Variants in PKP2 observed in about 807,000 individuals in gnomAD.
PKP2 encodes plakophilin-2.
Under a neutral mutation model 83.4 loss-of-function variants are expected in PKP2, and 73 were observed. That is an observed-to-expected ratio of 0.88 (90% CI 0.72 to 1.06). The LOEUF (loss-of-function observed/expected upper bound fraction) is 1.06. Among genes scored for constraint, PKP2 ranks in the 50% least tolerant of loss-of-function variants. PKP2 has a pLI of 0.00. For synonymous variants in PKP2, 409 were observed against 430.4 expected, an observed-to-expected ratio of 0.95 and a Z score of 0.62; for missense variants, 966 against 1,065.4, an observed-to-expected ratio of 0.91 and a Z score of 1.30.
At chr12:32,844,908 G>A (rs180800676) in intron 5 of PKP2, among the ~76,000 whole-genome samples, 1 of 152,174 alleles carries the variant, frequency 6.6e-6, no homozygotes, top group Admixed American at 6.5e-5. Context: ...AGATGATTCT[G>A]AATAGATGTC....
chr12:32,836,847 C>T (rs974616524), intron 6 of PKP2, among the ~76,000 whole-genome samples: 21 of 152,116 alleles, frequency 1.4e-4, no homozygotes, highest in African/African-American at 4.8e-4. Flanking sequence ...CAGCAGATAC[C>T]TCTATGTCCT....
At chr12:32,795,091 TAA>T (rs1491441032) in intron 11 of PKP2, among the ~76,000 whole-genome samples, 1 of 152,210 alleles carries the variant, frequency 6.6e-6, no homozygotes, top group Non-Finnish European at 1.5e-5. Context: ...CAGAATTGTA[TAA>T]AGAGAAAAAG....
At chr12:32,844,941 T>C (rs1281393629) in intron 5 of PKP2, among the ~76,000 whole-genome samples, 6 of 152,214 alleles carry the variant, frequency 3.9e-5, no homozygotes, top group Admixed American at 3.9e-4. Context: ...AGATTCTGGA[T>C]TACCTAATAT....
At position 32,851,803 on chromosome 12, in the gene PKP2, T is replaced by TC. The variant is rs1337466313; in HGVS notation, c.1171-831_1171-830insG. Among the ~76,000 whole-genome samples the TC allele has an allele frequency of 1.3e-4, 20 of 152,296 alleles. 1 individual carries two copies. The East Asian group carries it at 3.9e-3, about 29-fold the overall frequency. ...AATTCTTATAACCAATTGCATGGAG[T>TC]ATTTTAAAAGACTTATAAAACTTAT... is the stretch of plus-strand genomic sequence containing the variant. On this transcript the variant is annotated intron_variant, in intron 4 of 12. Coordinates refer to ENST00000340811, the MANE Select transcript of PKP2 (RefSeq NM_001005242.3).
chr12:32,817,847 G>C (rs1956334115), intron 9 of PKP2, among the ~76,000 whole-genome samples: 1 of 152,254 alleles, frequency 6.6e-6, no homozygotes, highest in East Asian at 1.9e-4. Context: ...TTAGGAACCC[G>C]CCGCACAGCA....
At chr12:32,821,763 C>T (rs1956381404) in intron 8 of PKP2, 2 of 495,790 alleles carry the variant, frequency 4.0e-6, no homozygotes, top group South Asian at 4.3e-5. Context: ...ATATTTCTCC[C>T]AGTGAGAGAA....
rs749107090 is a variant in PKP2 at position 32,878,931 on chromosome 12, C to T, written c.325G>A (p.Asp109Asn). The change falls in exon 2 of 13, where the codon GAC becomes AAC. Residue 109 changes from aspartate (D) to asparagine (N), a missense_variant. Physicochemically the swap from Asp to Asn is conservative, Grantham distance 23. Coordinates refer to ENST00000340811, the MANE Select transcript of PKP2 (RefSeq NM_001005242.3). The stretch of plus-strand genomic sequence containing the variant: ...CTTTGATATCCTACCTTTAGCATGT[C>T]ATAGGTTTTAGGAACAGGGGAACGG... The part of the protein sequence containing the change: ...GGRSPVPKTY[D>N]MLKAGTTATY... The T allele has an allele frequency of 3.2e-6, 5 of 1,558,170 alleles. No homozygotes were observed. Among genetic ancestry groups the T allele is most frequent in the Non-Finnish European group, 4.4e-6 (5 of 1,130,912 alleles).
intron 10 of PKP2, among the ~76,000 whole-genome samples, chr12:32,798,895 C>T (rs1956154533): frequency 6.6e-6 from 1 of 152,088 alleles, no homozygotes; most frequent in Admixed American, 6.5e-5. Flanking sequence ...GCAAATGCAA[C>T]AAAACCAAAA....
intron 6 of PKP2, among the ~76,000 whole-genome samples, chr12:32,835,349 G>A (rs955483306): frequency 1.3e-5 from 2 of 152,016 alleles, no homozygotes; most frequent in East Asian, 1.9e-4. Context: ...CACCGTGCCC[G>A]GCCTACTTTT....
chr12:32,814,427 C>T (rs188080962), intron 9 of PKP2, among the ~76,000 whole-genome samples: 2 of 152,246 alleles, frequency 1.3e-5, no homozygotes, highest in African/African-American at 4.8e-5. Context: ...CCTCTGAAAA[C>T]ATAAACTCAG....
Position 32,792,186 on chromosome 12 carries a change from T to C in PKP2, c.*238A>G, listed in dbSNP as rs1956073978. 1.8e-6 allele frequency: 1 copy of C among 560,564 alleles called. No individual in the cohort carries two copies. Among genetic ancestry groups the C allele is most frequent in the Admixed American group, 3.0e-5 (1 of 32,998 alleles). 34.7% of individuals were successfully genotyped at this position (560,564 alleles called of 1,614,324 possible). A position where few individuals can be genotyped will look rare whatever the true frequency, so the allele number is the denominator to read the frequency against. The stretch of plus-strand genomic sequence containing the variant: ...CCAGGAAGCCATGTACCATAAGCCC[T>C]AATAACAAAGACCACTATTTGTCGA... On this transcript the variant is annotated 3_prime_UTR_variant, in exon 13 of 13. Transcript: ENST00000340811.
intron 12 of PKP2, 35 bp from the exon 13 acceptor site, chr12:32,792,527 C>G: frequency 6.3e-7 from 1 of 1,591,868 alleles, no homozygotes; most frequent in Non-Finnish European, 8.6e-7. Flanking sequence ...TGAAAGGTAA[C>G]AAAACTGGCA....
At chr12:32,835,196 G>A (rs914721675) in intron 6 of PKP2, among the ~76,000 whole-genome samples, 3 of 151,686 alleles carry the variant, frequency 2.0e-5, no homozygotes, top group Non-Finnish European at 2.9e-5. Flanking sequence ...CGGGATTACA[G>A]GTGCCCGCCA....
chr12:32,822,341 G>A (rs1170343317), intron 8 of PKP2, 126 bp downstream of exon 8: 2 of 805,024 alleles, frequency 2.5e-6, no homozygotes, highest in Non-Finnish European at 4.2e-6. Flanking sequence ...AAAGGTTGAT[G>A]TAAGAATTAA....
intron 6 of PKP2, among the ~76,000 whole-genome samples, chr12:32,827,817 T>C (rs146051623): frequency 6.6e-6 from 1 of 152,352 alleles, no homozygotes; most frequent in East Asian, 1.9e-4. Flanking sequence ...AAACGTGTAA[T>C]TTAGTGCCTG....
At chr12:32,824,191 T>G (rs1432031893) in intron 6 of PKP2, 29 bp from the exon 7 acceptor site, 2 of 1,439,242 alleles carry the variant, frequency 1.4e-6, no homozygotes, top group Non-Finnish European at 1.9e-6. Context: ...AACAAAAAAG[T>G]AAGTCTAGGC....
At chr12:32,837,193 C>T (rs1262288992) in intron 6 of PKP2, among the ~76,000 whole-genome samples, 1 of 152,182 alleles carries the variant, frequency 6.6e-6, no homozygotes, top group Non-Finnish European at 1.5e-5. Flanking sequence ...CTATGAAGGG[C>T]AGGGGCTTTA....
At chr12:32,869,576 G>A (rs536711632) in intron 3 of PKP2, among the ~76,000 whole-genome samples, 4 of 148,308 alleles carry the variant, frequency 2.7e-5, no homozygotes, top group African/African-American at 9.9e-5. Flanking sequence ...TCCAGTCTAG[G>A]AGGAAAAACG....
At chr12:32,871,011 C>T (rs1956891664) in intron 3 of PKP2, among the ~76,000 whole-genome samples, 1 of 152,142 alleles carries the variant, frequency 6.6e-6, no homozygotes, top group Non-Finnish European at 1.5e-5. Context: ...AGGTTTACTA[C>T]AGCTGTCAGG....
Sources: gnomAD v4.1 joint callset for allele counts (sites outside exome capture counted in the v4.1 genomes callset) on GRCh38, gnomAD v4.1.1 for gene constraint, MANE v1.5 for transcripts, NCBI Gene and HGNC (gene_info 2026-07-23, HGNC 2026-07-21) for gene names.